Variants in VMP1 observed in about 807,000 individuals in gnomAD.
VMP1 encodes ectopic P-granules autophagy protein 3 homolog.
A neutral mutation model predicts 56.0 loss-of-function variants in VMP1; 11 were observed. That is an observed-to-expected ratio of 0.20 (90% confidence interval 0.12 to 0.32). The LOEUF is 0.32. VMP1 is among the 10% of genes least tolerant of loss of function. The probability of loss-of-function intolerance (pLI) is 1.00; values close to 1 mark genes in which losing one functional copy is unlikely to be tolerated. For missense variants in VMP1, 296 were observed against 490.3 expected, an observed-to-expected ratio of 0.60 and a Z score of 3.74; for synonymous variants, 149 against 165.0, an observed-to-expected ratio of 0.90 and a Z score of 0.74.
Position 59,724,081 on chromosome 17 carries a change from A to G in VMP1, c.-26-7340A>G, listed in dbSNP as rs535154841. 3.3e-5 allele frequency among the ~76,000 whole-genome samples: 5 copies of G among 152,064 alleles called. No homozygotes were observed. The East Asian group carries it at 7.8e-4, about 24-fold the overall frequency. On this transcript the variant is annotated intron_variant, in intron 1 of 11. Coordinates refer to ENST00000262291, the MANE Select transcript of VMP1 (RefSeq NM_030938.5). ...ACAAAAATTAGCTGGACATGTTAGC[A>G]TGTTCCTGTAGTTCCAGCTGCTCGG...
At chr17:59,767,710 C>T (rs544930314) in intron 6 of VMP1, among the ~76,000 whole-genome samples, 20 of 152,258 alleles carry the variant, frequency 1.3e-4, no homozygotes, top group Admixed American at 1.0e-3. Flanking sequence ...CCTGGCTTTA[C>T]ACATGCTTTA....
intron 10 of VMP1, among the ~76,000 whole-genome samples, chr17:59,826,227 A>G (rs967671880): frequency 1.3e-5 from 2 of 152,172 alleles, no homozygotes; most frequent in African/African-American, 4.8e-5. Context: ...TAACCTTTCT[A>G]TATGTTTGTT....
At chr17:59,822,879 A>T (rs1372316364) in intron 10 of VMP1, among the ~76,000 whole-genome samples, 2 of 152,122 alleles carry the variant, frequency 1.3e-5, no homozygotes, top group East Asian at 3.9e-4. Context: ...GGAATTCAGG[A>T]CTAGCCTGGA....
At chr17:59,716,366 A>C (rs1022418567) in intron 1 of VMP1, among the ~76,000 whole-genome samples, 1 of 152,248 alleles carries the variant, frequency 6.6e-6, no homozygotes, top group Non-Finnish European at 1.5e-5. Context: ...TTAAGTACTA[A>C]GAATCAATAG....
At chr17:59,801,784 C>T (rs936373762) in intron 7 of VMP1, among the ~76,000 whole-genome samples, 1 of 151,554 alleles carries the variant, frequency 6.6e-6, no homozygotes, top group African/African-American at 2.4e-5. Context: ...AATCCCAGTT[C>T]AGGCAGGAGA....
intron 1 of VMP1, among the ~76,000 whole-genome samples, chr17:59,708,961 T>C (rs2033798985): frequency 6.6e-6 from 1 of 152,196 alleles, no homozygotes; most frequent in Non-Finnish European, 1.5e-5. Context: ...AAGGTTACTT[T>C]TTTCCTTTGA....
chr17:59,779,108 A>G (rs1484064370), intron 7 of VMP1, among the ~76,000 whole-genome samples: 1 of 152,222 alleles, frequency 6.6e-6, no homozygotes, highest in Non-Finnish European at 1.5e-5. Flanking sequence ...TTTACGATAT[A>G]TTCAGTACGA....
intron 4 of VMP1, among the ~76,000 whole-genome samples, chr17:59,738,181 G>A (rs2035087330): frequency 6.6e-6 from 1 of 152,096 alleles, no homozygotes; most frequent in Non-Finnish European, 1.5e-5. Context: ...CATCCAAATA[G>A]GTAGGCCTCT....
intron 1 of VMP1, among the ~76,000 whole-genome samples, chr17:59,714,067 A>T (rs992749533): frequency 1.3e-5 from 2 of 150,524 alleles, no homozygotes; most frequent in Non-Finnish European, 3.0e-5. Context: ...AAAAAAAAAA[A>T]GAAGGTTTCT....
At chr17:59,786,539 C>G (rs1021329526) in intron 7 of VMP1, among the ~76,000 whole-genome samples, 2 of 152,188 alleles carry the variant, frequency 1.3e-5, no homozygotes, top group African/African-American at 4.8e-5. Context: ...TTTGAAGACT[C>G]TGGGTGTCAG....
Position 59,737,515 on chromosome 17 carries a change from C to T in VMP1, c.275C>T (p.Thr92Met), listed in dbSNP as rs1171013928. Reference sequence around the variant, plus strand: ...CTGCTGCTTGCTGTGCTTATAGCTACGTATTATGTTGAAGGAGTGCATCAA... The same window carrying T: ...CTGCTGCTTGCTGTGCTTATAGCTATGTATTATGTTGAAGGAGTGCATCAA... ...FLLLLAVLIA[T>M]YYVEGVHQQY... is the part of the protein sequence containing the mutation. Residue 92 changes from threonine (T) to methionine (M), a missense_variant, in exon 4 of 12, where the codon ACG becomes ATG. Physicochemically the swap from Thr to Met is moderately conservative, Grantham distance 81. Coordinates refer to ENST00000262291, the MANE Select transcript of VMP1 (RefSeq NM_030938.5). The T allele has an allele frequency of 2.5e-6, 4 of 1,610,892 alleles. No homozygotes were observed. The highest frequency in any genetic ancestry group is 2.2e-5 in the South Asian group (2 of 90,240).
At chr17:59,762,052 C>G (rs1835370687) in intron 5 of VMP1, among the ~76,000 whole-genome samples, 2 of 152,180 alleles carry the variant, frequency 1.3e-5, no homozygotes, top group South Asian at 4.1e-4. Context: ...TATCCCTTCT[C>G]TTAGTAATCA....
rs2039115351 is a variant in VMP1, at chr17:59,840,200, C to T, written c.*289C>T. 1 of 324,912 alleles carries T rather than the reference C, an allele frequency of 3.1e-6. No homozygotes were observed. Among genetic ancestry groups the T allele is most frequent in the African/African-American group, 2.2e-5 (1 of 45,466 alleles). The allele number at this position is 324,912 out of a possible 1,614,324, so 20.1% of individuals were successfully genotyped here. On this transcript the variant is annotated 3_prime_UTR_variant, in exon 12 of 12. Transcript: ENST00000262291. ...CTTCTGTTTGTTACTTTCAAAAGGCCCACATGATACAATTAGAGAATTCCC... is the reference window on the plus strand; with the variant it reads ...CTTCTGTTTGTTACTTTCAAAAGGCTCACATGATACAATTAGAGAATTCCC...
intron 9 of VMP1, among the ~76,000 whole-genome samples, chr17:59,816,172 C>A (rs1045032088): frequency 2.0e-5 from 3 of 152,124 alleles, no homozygotes; most frequent in Non-Finnish European, 4.4e-5. Flanking sequence ...AAAAGAAAAT[C>A]TTGTTTTGCT....
chr17:59,788,195 A>G (rs1266095345), intron 7 of VMP1, among the ~76,000 whole-genome samples: 1 of 152,194 alleles, frequency 6.6e-6, no homozygotes, highest in Non-Finnish European at 1.5e-5. Context: ...ATTGGAGTAG[A>G]AAATAGTTTT....
intron 5 of VMP1, among the ~76,000 whole-genome samples, chr17:59,753,814 G>A (rs1012128927): frequency 2.0e-5 from 3 of 152,066 alleles, no homozygotes; most frequent in African/African-American, 4.8e-5. Context: ...TTTTCTGTTT[G>A]CCATATATTT....
In VMP1 at chr17:59,740,450, C is replaced by T. The variant is rs117426695; in HGVS notation, c.414+1503C>T. The stretch of plus-strand genomic sequence containing the variant: ...ACTACAAGCACTTGCAATCTCTGTG[C>T]TATAATGAATTCATCTCTGAAGCAG... On this transcript the variant is annotated intron_variant, in intron 5 of 11. Transcript: ENST00000262291. Among the ~76,000 whole-genome samples, 305 of 152,274 alleles carry T rather than the reference C, an allele frequency of 2.0e-3. 8 individuals are homozygous for T. The East Asian group carries it at 0.048, about 24-fold the overall frequency.
intron 10 of VMP1, among the ~76,000 whole-genome samples, chr17:59,831,770 A>AT (rs1031843477): frequency 7.0e-6 from 1 of 143,288 alleles, no homozygotes; most frequent in African/African-American, 2.6e-5. Flanking sequence ...TTTTCTTTAA[A>AT]TAAAAAAAAA....
At chr17:59,766,460 G>A (rs1055371983) in intron 6 of VMP1, among the ~76,000 whole-genome samples, 7 of 152,104 alleles carry the variant, frequency 4.6e-5, no homozygotes, top group East Asian at 3.9e-4. Flanking sequence ...ACCGAGACCC[G>A]CCACCGCTCT....
Sources: allele counts gnomAD v4.1 joint callset (sites outside exome capture counted in the v4.1 genomes callset), GRCh38; gene constraint gnomAD v4.1.1; transcripts MANE v1.5; gene names NCBI Gene and HGNC (gene_info 2026-07-23, HGNC 2026-07-21).